PDZD2: variants seen among roughly 807,000 people sequenced by gnomAD.
The protein encoded by PDZD2 is PDZ domain containing 2.
In PDZD2, 90 loss-of-function variants were observed where a neutral mutation model predicts 220.7. That is an observed-to-expected ratio of 0.41 (90% CI 0.34 to 0.49). The LOEUF (loss-of-function observed/expected upper bound fraction) is 0.49. Among genes scored for constraint, PDZD2 ranks in the 20% least tolerant of loss-of-function variants. PDZD2 has a pLI of 0.28. For missense variants in PDZD2, 3,174 were observed against 3,608.5 expected, an observed-to-expected ratio of 0.88 and a Z score of 3.08; for synonymous variants, 1,375 against 1,450.5, an observed-to-expected ratio of 0.95 and a Z score of 1.18.
intron 1 of PDZD2, among the ~76,000 whole-genome samples, chr5:31,730,194 T>A (rs1438178211): frequency 6.6e-6 from 1 of 152,160 alleles, no homozygotes; most frequent in Non-Finnish European, 1.5e-5. Flanking sequence ...CTAGCAAGAT[T>A]TAGTGTTTGA....
chr5:31,812,425 T>G (rs1755178412), intron 2 of PDZD2, among the ~76,000 whole-genome samples: 1 of 152,106 alleles, frequency 6.6e-6, no homozygotes. Context: ...GGGGAGAAGG[T>G]CCACAAAGGC....
At chr5:31,871,806 C>T (rs1411359591) in intron 2 of PDZD2, among the ~76,000 whole-genome samples, 4 of 151,644 alleles carry the variant, frequency 2.6e-5, no homozygotes, top group African/African-American at 9.7e-5. Flanking sequence ...AACATAAATA[C>T]AGGGTTTTTT....
chr5:31,684,606 A>C (rs1397487403), intron 1 of PDZD2, among the ~76,000 whole-genome samples: 4 of 152,070 alleles, frequency 2.6e-5, no homozygotes, highest in Non-Finnish European at 5.9e-5. Context: ...TCGCTCTGCA[A>C]ACTAAAACCC....
chr5:32,056,698 T>A (rs1739117157), intron 10 of PDZD2, among the ~76,000 whole-genome samples: 1 of 152,312 alleles, frequency 6.6e-6, no homozygotes. Flanking sequence ...TTCCTGCACA[T>A]GCCTGGCAAA....
chr5:32,017,263 T>C (rs6872884), intron 6 of PDZD2, among the ~76,000 whole-genome samples: 144,196 of 152,158 alleles, frequency 0.95, 68,575 homozygotes, highest in Non-Finnish European at 0.97. Context: ...ACGGCAAAAC[T>C]CCATCTCTAC....
intron 6 of PDZD2, among the ~76,000 whole-genome samples, chr5:32,014,383 A>G (rs1753564163): frequency 6.6e-6 from 1 of 152,234 alleles, no homozygotes; most frequent in South Asian, 2.1e-4. Context: ...AGCTCCATCC[A>G]TGCTTAGAAT....
At chr5:31,989,416 C>CTTTTTTTTTTTTTT (rs1385913596) in intron 3 of PDZD2, among the ~76,000 whole-genome samples, 11 of 120,638 alleles carry the variant, frequency 9.1e-5, no homozygotes, top group East Asian at 2.9e-4. Context: ...ACCACATTTT[C>CTTTTTTTTTTTTTT]TTTTCTTTTT....
At chr5:31,715,746 C>A (rs1748407514) in intron 1 of PDZD2, among the ~76,000 whole-genome samples, 1 of 152,196 alleles carries the variant, frequency 6.6e-6, no homozygotes, top group Admixed American at 6.6e-5. Flanking sequence ...TGATACCAGC[C>A]ACTGTGCCAC....
intron 2 of PDZD2, among the ~76,000 whole-genome samples, chr5:31,803,379 A>G (rs560415434): frequency 1.5e-4 from 22 of 150,066 alleles, no homozygotes; most frequent in Admixed American, 7.5e-4. Context: ...TTAGGATTAC[A>G]GGTGTGAGTC....
intron 12 of PDZD2, among the ~76,000 whole-genome samples, chr5:32,058,577 G>A (rs901869923): frequency 6.0e-5 from 9 of 151,168 alleles, no homozygotes; most frequent in Non-Finnish European, 1.2e-4. Flanking sequence ...GGGAGGCTGA[G>A]GCAAGACAAT....
chr5:31,796,090 A>G (rs578157592), intron 1 of PDZD2, among the ~76,000 whole-genome samples: 1 of 152,286 alleles, frequency 6.6e-6, no homozygotes, highest in African/African-American at 2.4e-5. Flanking sequence ...ATCAGATCCG[A>G]GCTGAGCCAA....
intron 2 of PDZD2, among the ~76,000 whole-genome samples, chr5:31,877,418 T>C (rs1437822446): frequency 2.0e-5 from 3 of 152,064 alleles, no homozygotes; most frequent in African/African-American, 7.2e-5. Flanking sequence ...GGGATCTTGC[T>C]GCATTGCCCA....
intron 1 of PDZD2, among the ~76,000 whole-genome samples, chr5:31,731,483 C>T (rs1189605885): frequency 6.6e-6 from 1 of 152,162 alleles, no homozygotes; most frequent in East Asian, 1.9e-4. Context: ...TCGCTATTGG[C>T]CCCTCTGCAG....
rs1745336123 is a variant in PDZD2 at position 32,110,925 on chromosome 5, C to T, written c.*2790C>T. On this transcript the variant is annotated 3_prime_UTR_variant, in exon 25 of 25. Transcript: ENST00000438447. ...TTAAAAAAAATAAACACTCTGCTTA[C>T]TACTTGATTTTTTTTTTCTCTTTTG... The T allele has an allele frequency of 6.6e-6, 1 of 151,898 alleles. No homozygotes were observed. Among genetic ancestry groups the T allele is most frequent in the Non-Finnish European group, 1.5e-5 (1 of 68,008 alleles). 9.4% of individuals were successfully genotyped at this position (151,898 alleles called of 1,614,324 possible). A position where few individuals can be genotyped will look rare whatever the true frequency, so the allele number is the denominator to read the frequency against.
rs1301690897 is a variant in PDZD2, at chr5:31,927,112, A to G, written c.477-56043A>G. Among the ~76,000 whole-genome samples, 3 of 152,370 alleles carry G rather than the reference A, an allele frequency of 2.0e-5. No individual in the cohort carries two copies. The East Asian group carries it at 5.8e-4, about 29-fold the overall frequency. ...TTGAAAAACGTAACTATTGGGTACC[A>G]TGCTTAGTACCTGGGTGACAGGATC... On this transcript the variant is annotated intron_variant, in intron 2 of 24. Coordinates refer to ENST00000438447, the MANE Select transcript of PDZD2 (RefSeq NM_178140.4).
chr5:31,723,557 A>G (rs1180197252), intron 1 of PDZD2, among the ~76,000 whole-genome samples: 1 of 152,098 alleles, frequency 6.6e-6, no homozygotes, highest in East Asian at 1.9e-4. Context: ...TCATAGCACC[A>G]CAGAATCACC....
chr5:31,944,652 G>A (rs1476828487), intron 2 of PDZD2, among the ~76,000 whole-genome samples: 7 of 152,256 alleles, frequency 4.6e-5, no homozygotes, highest in Non-Finnish European at 8.8e-5. Context: ...TTAGATCCCA[G>A]AGTAACTGCC....
At chr5:32,007,012 C>T (rs539458021) in intron 5 of PDZD2, among the ~76,000 whole-genome samples, 15 of 145,664 alleles carry the variant, frequency 1.0e-4, no homozygotes, top group South Asian at 2.2e-4. Context: ...GCCTCCCAGG[C>T]TTACGCCATT....
chr5:31,933,168 C>T (rs1745447646), intron 2 of PDZD2, among the ~76,000 whole-genome samples: 1 of 152,208 alleles, frequency 6.6e-6, no homozygotes, highest in South Asian at 2.1e-4. Context: ...ACCTCGGTCT[C>T]CCAAAGTGCT....
Sources: allele counts gnomAD v4.1 joint callset (sites outside exome capture counted in the v4.1 genomes callset), GRCh38; gene constraint gnomAD v4.1.1; transcripts MANE v1.5; gene names NCBI Gene and HGNC (gene_info 2026-07-23, HGNC 2026-07-21).